C10orf88: variants seen among roughly 807,000 people sequenced by gnomAD.
C10orf88 encodes the protein ATPase PAAT.
Under a neutral mutation model 34.2 loss-of-function variants are expected in C10orf88, and 29 were observed. The ratio of observed to expected loss-of-function variants is 0.85; its 90% CI spans 0.63 to 1.16. The LOEUF is 1.16. Ranked by LOEUF, C10orf88 falls within the 50% of genes most tolerant of loss-of-function variation. The pLI, the probability that C10orf88 is intolerant of heterozygous loss-of-function variation, is 0.00. For synonymous variants in C10orf88, 194 were observed against 197.4 expected (o/e 0.98, Z 0.15); for missense variants, 507 against 533.2 (o/e 0.95, Z 0.48).
intron 4 of C10orf88, among the ~76,000 whole-genome samples, chr10:122,947,225 A>C (rs1017090630): frequency 5.9e-5 from 9 of 152,158 alleles, no homozygotes; most frequent in African/African-American, 2.2e-4. Context: ...TGGTTTCCAT[A>C]ATCTTCAGCT....
At chr10:122,947,007 T>C (rs1421284870) in intron 4 of C10orf88, among the ~76,000 whole-genome samples, 2 of 151,956 alleles carry the variant, frequency 1.3e-5, no homozygotes, top group Non-Finnish European at 1.5e-5. Context: ...TAATTCTAAG[T>C]ACAAAGGGAG....
At position 122,953,065 on chromosome 10, in the gene C10orf88, T is replaced by C. The variant is rs200698181; in HGVS notation, c.165-33A>G. On this transcript the variant is annotated intron_variant, in intron 1 of 5. Transcript: ENST00000481909. ...GAAAATTGGTGAAAACATCACACAG[T>C]ATAGTTCTCTGAACATGACTCTTCT... The C allele has an allele frequency of 1.8e-5, 27 of 1,511,498 alleles. No homozygotes were observed. The African/African-American group carries it at 2.1e-4, about 12-fold the overall frequency. The allele number at this position is 1,511,498 out of a possible 1,614,324, so 93.6% of individuals were successfully genotyped here. A position where few individuals can be genotyped will look rare whatever the true frequency, so the allele number is the denominator to read the frequency against.
At chr10:122,950,137 G>T (rs1003643631) in intron 3 of C10orf88, among the ~76,000 whole-genome samples, 1 of 152,164 alleles carries the variant, frequency 6.6e-6, no homozygotes, top group Non-Finnish European at 1.5e-5. Context: ...TTTAACTTAC[G>T]ACTCTGGTAC....
intron 4 of C10orf88, among the ~76,000 whole-genome samples, chr10:122,946,593 C>T (rs1848642966): frequency 6.6e-6 from 1 of 151,998 alleles, no homozygotes; most frequent in African/African-American, 2.4e-5. Context: ...ATAAACAAGA[C>T]AGATAAGTCT....
intron 4 of C10orf88, among the ~76,000 whole-genome samples, chr10:122,942,987 C>T (rs960095136): frequency 1.3e-5 from 2 of 150,988 alleles, no homozygotes; most frequent in African/African-American, 4.9e-5. Flanking sequence ...CCCCATCAAG[C>T]TACCAATGAC....
intron 5 of C10orf88, among the ~76,000 whole-genome samples, chr10:122,933,007 T>C (rs1414976270): frequency 6.6e-6 from 1 of 152,192 alleles, no homozygotes. Flanking sequence ...TATTTTCAAA[T>C]ACTTCCCCAA....
rs779210162 is a variant in C10orf88, at chr10:122,948,708, C to T, written c.589G>A (p.Gly197Arg). Residue 197 changes from glycine (G) to arginine (R), a missense_variant, in exon 4 of 6, where the codon GGG becomes AGG. Physicochemically the swap from Gly to Arg is moderately radical, Grantham distance 125. Transcript: ENST00000481909. ...DKVQTIMESM[G>R]SKLSPGAQQL... Reference sequence around the variant, plus strand: ...TGAGCTCCAGGAGATAACTTTGACCCCATGGACTCCATTATGGTTTGGACC... The same window carrying T: ...TGAGCTCCAGGAGATAACTTTGACCTCATGGACTCCATTATGGTTTGGACC... 8.7e-6 allele frequency: 14 copies of T among 1,613,824 alleles called. No homozygotes were observed. In the African/African-American group the frequency reaches 1.6e-4, roughly 18 times the overall value.
At chr10:122,933,291 GCCAA>G (rs1848502501) in intron 5 of C10orf88, 1 of 152,266 alleles carries the variant, frequency 6.6e-6, no homozygotes, top group Non-Finnish European at 1.5e-5. Flanking sequence ...GACCAGCCTG[GCCAA>G]CATGGTGAAA....
chr10:122,948,898 C>T (rs1848665307), intron 3 of C10orf88, 43 bp from the exon 4 acceptor site: 1 of 1,524,300 alleles, frequency 6.6e-7, no homozygotes, highest in Non-Finnish European at 9.0e-7. Context: ...ATATTAAAAA[C>T]AATAATCATT....
chr10:122,935,621 T>A (rs1485713513), intron 5 of C10orf88, among the ~76,000 whole-genome samples: 1 of 151,864 alleles, frequency 6.6e-6, no homozygotes, highest in African/African-American at 2.4e-5. Flanking sequence ...AAATTCTCCA[T>A]TTCTAAATTT....
chr10:122,953,300 A>G (rs1848710628), intron 1 of C10orf88, among the ~76,000 whole-genome samples: 1 of 151,956 alleles, frequency 6.6e-6, no homozygotes, highest in South Asian at 2.1e-4. Flanking sequence ...GATGGTCTTG[A>G]TCTCCTGACG....
At position 122,938,123 on chromosome 10, in the gene C10orf88, A is replaced by T; in HGVS notation, c.685T>A (p.Leu229Met). 1 of 1,608,180 alleles carries T rather than the reference A, an allele frequency of 6.2e-7. No individual in the cohort carries two copies. The change falls in exon 5 of 6, where the codon TTG (leucine) becomes ATG (methionine). Residue 229 changes from leucine to methionine, a missense_variant. Transcript: ENST00000481909. Reference protein sequence around the residue: ...IPIGEQLQSVLGNSGYKHMIG... With the variant: ...IPIGEQLQSVMGNSGYKHMIG... ...ATATGCTTGTATCCAGAATTGCCCA[A>T]CACCGACTGAAGCTGCTCTCCAATG...
At chr10:122,950,976 A>C (rs1216447713) in intron 3 of C10orf88, among the ~76,000 whole-genome samples, 1 of 152,188 alleles carries the variant, frequency 6.6e-6, no homozygotes, top group Non-Finnish European at 1.5e-5. Flanking sequence ...AAGTTTAGAG[A>C]TAAAAAGAAT....
At chr10:122,947,785 T>C (rs1000530828) in intron 4 of C10orf88, among the ~76,000 whole-genome samples, 1 of 152,216 alleles carries the variant, frequency 6.6e-6, no homozygotes, top group Non-Finnish European at 1.5e-5. Flanking sequence ...ATCACCATCT[T>C]CAAAGCCTCA....
intron 4 of C10orf88, among the ~76,000 whole-genome samples, chr10:122,946,142 A>C (rs1848638038): frequency 6.6e-6 from 1 of 152,136 alleles, no homozygotes; most frequent in South Asian, 2.1e-4. Flanking sequence ...TTAATTTATT[A>C]TTGAAAAATA....
intron 5 of C10orf88, among the ~76,000 whole-genome samples, 173 bp from the exon 6 acceptor site, chr10:122,932,834 TA>T (rs1848497332): frequency 6.6e-6 from 1 of 152,186 alleles, no homozygotes; most frequent in African/African-American, 2.4e-5. Flanking sequence ...ACCACAGCCC[TA>T]AATGCCCAAC....
intron 5 of C10orf88, among the ~76,000 whole-genome samples, chr10:122,934,955 C>G (rs1025728926): frequency 6.6e-6 from 1 of 152,018 alleles, no homozygotes; most frequent in African/African-American, 2.4e-5. Flanking sequence ...TTTGTATATC[C>G]TGTCTGTTGA....
At position 122,936,049 on chromosome 10, in the gene C10orf88, T is replaced by A. The variant is rs531401610; in HGVS notation, c.1103+1656A>T. Among the ~76,000 whole-genome samples, 6 of 151,982 alleles carry A rather than the reference T, an allele frequency of 3.9e-5. 1 individual carries two copies. Among genetic ancestry groups the A allele is most frequent in the Non-Finnish European group, 8.8e-5 (6 of 67,870 alleles). ...GCATGTAAAATTGATGTTCTTTAAA[T>A]GTTCAGTGGAAACCTTCAGTGTAGC... On this transcript the variant is annotated intron_variant, in intron 5 of 5. Coordinates refer to ENST00000481909, the MANE Select transcript of C10orf88 (RefSeq NM_024942.4).
intron 4 of C10orf88, among the ~76,000 whole-genome samples, chr10:122,945,264 C>A (rs1453318636): frequency 1.3e-5 from 2 of 152,064 alleles, no homozygotes; most frequent in African/African-American, 4.8e-5. Context: ...TGTAAACCAA[C>A]CGATTGCACA....
Sources: gnomAD v4.1 joint callset for allele counts (sites outside exome capture counted in the v4.1 genomes callset) on GRCh38, gnomAD v4.1.1 for gene constraint, MANE v1.5 for transcripts, NCBI Gene and HGNC (gene_info 2026-07-23, HGNC 2026-07-21) for gene names.